Variants in NUP210L observed in about 807,000 individuals in gnomAD.
NUP210L encodes the protein nuclear pore membrane glycoprotein 210-like.
Under a neutral mutation model 208.5 loss-of-function variants are expected in NUP210L, and 74 were observed. The ratio of observed to expected loss-of-function variants is 0.35; its 90% CI spans 0.29 to 0.43. The LOEUF (loss-of-function observed/expected upper bound fraction) is 0.43. NUP210L is among the 20% of genes least tolerant of loss of function. The pLI is 1.00. For synonymous variants in NUP210L, 780 were observed against 816.9 expected (o/e 0.95, Z 0.77); for missense variants, 1,843 against 2,289.4 (o/e 0.81, Z 3.98).
rs754950461 is a variant in NUP210L, at chr1:154,135,907, A to G, written c.916T>C (p.Ser306Pro). 3.1e-5 allele frequency: 50 copies of G among 1,607,366 alleles called. No homozygotes were observed. In the Admixed American group the frequency reaches 8.3e-4, roughly 27 times the overall value. Residue 306 changes from serine to proline, a missense_variant, in exon 7 of 40, where the codon TCT (serine) becomes CCT (proline). By Grantham distance (74) the Ser-to-Pro change is moderately conservative (BLOSUM62 -1). Coordinates refer to ENST00000368559, the Ensembl canonical transcript of NUP210L. ...AGTATAGCCACTTTCTCAGAATGAG[A>G]CCCGTTAAGTGCAACTCTATGGTCT...
chr1:154,061,093 C>A, intron 18 of NUP210L, 47 bp from the exon 19 acceptor site: 1 of 1,379,834 alleles, frequency 7.2e-7, no homozygotes, highest in Non-Finnish European at 1.0e-6. Flanking sequence ...ACATCTAATT[C>A]TTGGCCGCCC....
At chr1:154,023,774 G>C (rs1387643526) in intron 30 of NUP210L, among the ~76,000 whole-genome samples, 3 of 149,398 alleles carry the variant, frequency 2.0e-5, no homozygotes, top group African/African-American at 7.4e-5. Context: ...CACTGTGCCC[G>C]GCTTGAAATG....
chr1:154,103,891 T>C, intron 13 of NUP210L, 121 bp downstream of exon 13: 1 of 704,290 alleles, frequency 1.4e-6, no homozygotes, highest in Non-Finnish European at 2.4e-6. Context: ...AGACTATAAT[T>C]GGTAGTTTCT....
chr1:153,995,682 T>G, intron 37 of NUP210L: 1 of 1,286,046 alleles, frequency 7.8e-7, no homozygotes, highest in South Asian at 1.2e-5. Flanking sequence ...ATACAGCCTC[T>G]AACAAAACTA....
intron 29 of NUP210L, among the ~76,000 whole-genome samples, chr1:154,026,556 C>G (rs1651886949): frequency 6.6e-6 from 1 of 151,890 alleles, no homozygotes; most frequent in African/African-American, 2.4e-5. Context: ...CCATGTTGAT[C>G]AGACTGGTCT....
intron 11 of NUP210L, among the ~76,000 whole-genome samples, 167 bp from the exon 12 acceptor site, chr1:154,118,047 C>T (rs540728690): frequency 1.7e-4 from 26 of 152,212 alleles, no homozygotes; most frequent in African/African-American, 2.6e-4. Flanking sequence ...TGGTGCCTTA[C>T]ACCTGTAATC....
intron 35 of NUP210L, among the ~76,000 whole-genome samples, chr1:154,005,899 T>A (rs1356470462): frequency 6.6e-6 from 1 of 152,058 alleles, no homozygotes; most frequent in African/African-American, 2.4e-5. Flanking sequence ...AATTTTGTAT[T>A]TTTAGTAGAG....
At chr1:154,022,754 T>C (rs922552635) in intron 31 of NUP210L, among the ~76,000 whole-genome samples, 1 of 149,976 alleles carries the variant, frequency 6.7e-6, no homozygotes, top group Non-Finnish European at 1.5e-5. Flanking sequence ...CTCTGCTCAC[T>C]GCAACCTCTG....
rs1182142939 is a variant in NUP210L at position 154,054,769 on chromosome 1, C to T, written c.3303+1G>A. 2 of 1,607,630 alleles carry T rather than the reference C, an allele frequency of 1.2e-6. No homozygotes were observed. The highest frequency in any genetic ancestry group is 1.7e-6 in the Non-Finnish European group (2 of 1,174,282). The stretch of plus-strand genomic sequence containing the variant: ...CTTATTTTTTCTGCCTGTAAGTTCA[C>T]CTGCATCATATTCATTGGAATCAGT... On this transcript the variant is annotated splice_donor_variant, in intron 24 of 39. Coordinates refer to ENST00000368559, the Ensembl canonical transcript of NUP210L. LOFTEE classifies it high-confidence loss of function.
intron 28 of NUP210L, among the ~76,000 whole-genome samples, chr1:154,028,638 G>A (rs568765936): frequency 1.2e-4 from 19 of 152,218 alleles, no homozygotes; most frequent in African/African-American, 4.6e-4. Context: ...TAATATCTAT[G>A]TCAGGTGGAG....
intron 16 of NUP210L, among the ~76,000 whole-genome samples, chr1:154,072,960 G>C (rs1222606934): frequency 6.6e-6 from 1 of 152,114 alleles, no homozygotes; most frequent in Admixed American, 6.5e-5. Flanking sequence ...GCAGCAAAAG[G>C]AACAGTCAGT....
At chr1:154,086,094 T>C (rs1655607757) in intron 16 of NUP210L, among the ~76,000 whole-genome samples, 1 of 151,006 alleles carries the variant, frequency 6.6e-6, no homozygotes, top group Admixed American at 6.6e-5. Context: ...CACCTGTAAT[T>C]CCAGCTACTG....
At chr1:154,025,356 T>TC (rs1491353078) in intron 30 of NUP210L, among the ~76,000 whole-genome samples, 186 bp downstream of exon 30, 1 of 25,628 alleles carries the variant, frequency 3.9e-5, no homozygotes, top group African/African-American at 3.1e-4. Context: ...CTTCTTCTCC[T>TC]TTTTTTTTTT....
intron 10 of NUP210L, among the ~76,000 whole-genome samples, chr1:154,125,614 C>T (rs1657856133): frequency 2.3e-5 from 2 of 87,790 alleles, no homozygotes; most frequent in African/African-American, 8.8e-5. Context: ...GAAATGAGGC[C>T]CTCTCTGAAA....
chr1:154,121,276 G>T (rs1364385290), intron 10 of NUP210L, among the ~76,000 whole-genome samples: 14 of 152,086 alleles, frequency 9.2e-5, no homozygotes, highest in Non-Finnish European at 2.1e-4. Context: ...TTTTGCTATT[G>T]CATGCCATGG....
chr1:154,076,836 T>C (rs555078944), intron 16 of NUP210L, among the ~76,000 whole-genome samples: 65 of 152,178 alleles, frequency 4.3e-4, no homozygotes, highest in African/African-American at 1.4e-3. Flanking sequence ...ACTTACCAAA[T>C]TGATGAAAAC....
intron 24 of NUP210L, 64 bp downstream of exon 24, chr1:154,054,706 G>T: frequency 9.1e-7 from 1 of 1,097,656 alleles, no homozygotes; most frequent in Non-Finnish European, 1.4e-6. Context: ...AGGTGTGTGT[G>T]TGTGAGAGAG....
intron 16 of NUP210L, among the ~76,000 whole-genome samples, chr1:154,072,364 G>A (rs564553320): frequency 1.7e-4 from 19 of 114,628 alleles, no homozygotes; most frequent in African/African-American, 5.8e-4. Context: ...ACGGAGTCTC[G>A]CTCTGTTGCC....
chr1:154,027,013 G>A (rs1651917463), intron 29 of NUP210L, among the ~76,000 whole-genome samples: 1 of 150,764 alleles, frequency 6.6e-6, no homozygotes, highest in Non-Finnish European at 1.5e-5. Context: ...AACCTGGGAG[G>A]TGGAGGTTGC....
Sources: allele counts gnomAD v4.1 joint callset (sites outside exome capture counted in the v4.1 genomes callset), GRCh38; gene constraint gnomAD v4.1.1; transcripts MANE v1.5; gene names NCBI Gene and HGNC (gene_info 2026-07-23, HGNC 2026-07-21).